The following ADGRL4 variants were observed in gnomAD, a reference collection of about 807,000 sequenced individuals.
The protein encoded by ADGRL4 is adhesion G protein-coupled receptor L4, also known as EGF, latrophilin and seven transmembrane domain containing 1.
Under a neutral mutation model 74.8 loss-of-function variants are expected in ADGRL4, and 90 were observed. The ratio of observed to expected loss-of-function variants is 1.20; its 90% CI spans 1.02 to 1.43. The LOEUF (loss-of-function observed/expected upper bound fraction) is 1.43. Among genes scored for constraint, ADGRL4 ranks in the 40% most tolerant of loss-of-function variants. The probability of loss-of-function intolerance (pLI) is 0.00; values close to 1 mark genes in which losing one functional copy is unlikely to be tolerated. For synonymous variants in ADGRL4, 311 were observed against 279.2 expected, an observed-to-expected ratio of 1.11 and a Z score of -1.14; for missense variants, 881 against 814.3, an observed-to-expected ratio of 1.08 and a Z score of -1.00.
chr1:78,959,527 A>G (rs571639850), intron 2 of ADGRL4, among the ~76,000 whole-genome samples: 1 of 152,308 alleles, frequency 6.6e-6, no homozygotes, highest in South Asian at 2.1e-4. Context: ...ATCTTCAGTT[A>G]GTCATGTCTC....
intron 7 of ADGRL4, 147 bp downstream of exon 7, chr1:78,936,145 AAAG>A: frequency 1.2e-5 from 1 of 81,906 alleles, no homozygotes; most frequent in South Asian, 3.3e-4. Flanking sequence ...AAAAAAAAAA[AAAG>A]AATATGGATA....
intron 6 of ADGRL4, 89 bp from the exon 7 acceptor site, chr1:78,936,500 T>C: frequency 8.6e-7 from 1 of 1,161,632 alleles, no homozygotes; most frequent in East Asian, 2.8e-5. Context: ...ATTTCATCCA[T>C]CATTATTGTG....
chr1:78,917,747 T>C (rs371934912), intron 11 of ADGRL4, 47 bp from the exon 12 acceptor site: 2 of 1,586,928 alleles, frequency 1.3e-6, no homozygotes, highest in African/African-American at 1.4e-5. Flanking sequence ...TTTGCATGTA[T>C]GTTAACATAG....
At chr1:78,994,148 A>C (rs1477571118) in intron 2 of ADGRL4, among the ~76,000 whole-genome samples, 2 of 152,186 alleles carry the variant, frequency 1.3e-5, no homozygotes, top group African/African-American at 4.8e-5. Flanking sequence ...CATCCCTTAA[A>C]ATGAAGTAGG....
At chr1:78,972,067 A>G (rs1471478121) in intron 2 of ADGRL4, among the ~76,000 whole-genome samples, 1 of 152,180 alleles carries the variant, frequency 6.6e-6, no homozygotes, top group African/African-American at 2.4e-5. Flanking sequence ...GATTATTTTA[A>G]GGATTAAAAA....
intron 12 of ADGRL4, among the ~76,000 whole-genome samples, chr1:78,908,304 A>G (rs1648687221): frequency 6.6e-6 from 1 of 152,020 alleles, no homozygotes; most frequent in African/African-American, 2.4e-5. Flanking sequence ...AAGTTTAAGG[A>G]TTTTATGGAT....
In ADGRL4 at chr1:78,975,878, C is replaced by A. The variant is rs576023190; in HGVS notation, c.172+29192G>T. On this transcript the variant is annotated intron_variant, in intron 2 of 14. Coordinates refer to ENST00000370742, the MANE Select transcript of ADGRL4 (RefSeq NM_022159.4). ...ATCAGATTTACCCTCTGAACAGAAACAAACATCATTAGTAGCAGCAACAAA... is the reference window on the plus strand; with the variant it reads ...ATCAGATTTACCCTCTGAACAGAAAAAAACATCATTAGTAGCAGCAACAAA... 3.0e-3 allele frequency among the ~76,000 whole-genome samples: 449 copies of A among 151,772 alleles called. 3 individuals are homozygous for A. Among genetic ancestry groups the A allele is most frequent in the African/African-American group, 0.01 (424 of 41,410 alleles).
chr1:78,966,195 G>T lies in ADGRL4; in HGVS notation c.173-19769C>A, dbSNP rs143686850. Among the ~76,000 whole-genome samples the T allele has an allele frequency of 1.5e-3, 222 of 152,290 alleles. 3 individuals are homozygous for T. Among genetic ancestry groups the T allele is most frequent in the African/African-American group, 5.2e-3 (216 of 41,570 alleles). ...CCATGGGAAGTTCATGCCCTTTGCA[G>T]CGGGGAAGAGCCTGGCCTCTCTCTC... On this transcript the variant is annotated intron_variant, in intron 2 of 14. Coordinates refer to ENST00000370742, the MANE Select transcript of ADGRL4 (RefSeq NM_022159.4).
intron 2 of ADGRL4, among the ~76,000 whole-genome samples, chr1:79,004,761 C>T (rs969606931): frequency 3.3e-5 from 5 of 152,052 alleles, no homozygotes; most frequent in African/African-American, 1.2e-4. Context: ...GTATACATTT[C>T]GTGAACTCTT....
chr1:78,953,424 A>G (rs988263464), intron 2 of ADGRL4, among the ~76,000 whole-genome samples: 1 of 152,240 alleles, frequency 6.6e-6, no homozygotes, highest in Non-Finnish European at 1.5e-5. Flanking sequence ...TGCAAAAAAA[A>G]AGCTGCTAGT....
At chr1:78,987,650 GT>G (rs1317692039) in intron 2 of ADGRL4, among the ~76,000 whole-genome samples, 1 of 151,782 alleles carries the variant, frequency 6.6e-6, no homozygotes, top group Non-Finnish European at 1.5e-5. Context: ...AACACTAATA[GT>G]TAGGTTCGAA....
At chr1:78,941,234 C>T (rs1422034124) in intron 3 of ADGRL4, among the ~76,000 whole-genome samples, 1 of 152,138 alleles carries the variant, frequency 6.6e-6, no homozygotes, top group Non-Finnish European at 1.5e-5. Flanking sequence ...CTAGGCTGGG[C>T]TAAAGACAGA....
rs1650337016 is a variant in ADGRL4 at position 78,978,581 on chromosome 1, T to C, written c.172+26489A>G. 4.6e-5 allele frequency among the ~76,000 whole-genome samples: 7 copies of C among 150,582 alleles called. No individual in the cohort carries two copies. In the South Asian group the frequency reaches 1.5e-3, roughly 32 times the overall value. On this transcript the variant is annotated intron_variant, in intron 2 of 14. Transcript: ENST00000370742. The stretch of plus-strand genomic sequence containing the variant: ...CATATTCTTCAACAAAATGATATGT[T>C]TTCCTTTGAGCAGGATTTCCCAAGA...
intron 8 of ADGRL4, among the ~76,000 whole-genome samples, chr1:78,923,536 G>A (rs945130085): frequency 1.3e-5 from 2 of 151,894 alleles, no homozygotes; most frequent in Non-Finnish European, 2.9e-5. Context: ...TGAACCCCCA[G>A]ACATCTGAGG....
chr1:78,952,084 A>C (rs1487627342), intron 2 of ADGRL4, among the ~76,000 whole-genome samples: 1 of 151,914 alleles, frequency 6.6e-6, no homozygotes, highest in Non-Finnish European at 1.5e-5. Flanking sequence ...AGAAAAATAA[A>C]AAGAAAAAAG....
At chr1:78,958,525 G>A (rs1277801341) in intron 2 of ADGRL4, among the ~76,000 whole-genome samples, 12 of 152,124 alleles carry the variant, frequency 7.9e-5, no homozygotes, top group African/African-American at 2.4e-4. Context: ...AACTGCGGAC[G>A]TGGTGGAAAT....
chr1:78,917,506 C>T (rs1648901128), intron 12 of ADGRL4, 128 bp downstream of exon 12: 2 of 476,162 alleles, frequency 4.2e-6, no homozygotes, highest in Non-Finnish European at 7.5e-6. Flanking sequence ...ATGTAAAATG[C>T]TGATAAGTGA....
At chr1:78,929,340 C>T (rs1030598474) in intron 7 of ADGRL4, among the ~76,000 whole-genome samples, 2 of 151,224 alleles carry the variant, frequency 1.3e-5, no homozygotes, top group South Asian at 4.2e-4. Context: ...TATGGCAAAA[C>T]CACGTCTCTA....
intron 2 of ADGRL4, among the ~76,000 whole-genome samples, chr1:78,961,044 A>G (rs930940021): frequency 6.6e-6 from 1 of 152,004 alleles, no homozygotes; most frequent in Non-Finnish European, 1.5e-5. Flanking sequence ...TTATCTTTCC[A>G]TCAGCTATTG....
Sources: allele counts gnomAD v4.1 joint callset (sites outside exome capture counted in the v4.1 genomes callset), GRCh38; gene constraint gnomAD v4.1.1; transcripts MANE v1.5; gene names NCBI Gene and HGNC (gene_info 2026-07-23, HGNC 2026-07-21).